OXNAD1: variants seen among roughly 807,000 people sequenced by gnomAD.
OXNAD1 encodes the protein oxidoreductase NAD-binding domain-containing protein 1.
OXNAD1 carries 34 observed loss-of-function variants against 32.9 expected under a neutral mutation model. That is an observed-to-expected ratio of 1.03 (90% CI 0.79 to 1.38). OXNAD1 has a LOEUF of 1.38. Ranked by LOEUF, OXNAD1 falls within the 40% of genes most tolerant of loss-of-function variation. The pLI, the probability that OXNAD1 is intolerant of heterozygous loss-of-function variation, is 0.00. For missense variants in OXNAD1, 407 were observed against 379.4 expected (o/e 1.07, Z -0.60); for synonymous variants, 134 against 135.2 (o/e 0.99, Z 0.06).
At position 16,299,653 on chromosome 3, in the gene OXNAD1, A is replaced by G. The variant is rs968903602; in HGVS notation, c.433-1973A>G. 1.3e-5 allele frequency among the ~76,000 whole-genome samples: 2 copies of G among 152,214 alleles called. No individual in the cohort carries two copies. Among genetic ancestry groups the G allele is most frequent in the African/African-American group, 4.8e-5 (2 of 41,460 alleles). On this transcript the variant is annotated intron_variant, in intron 6 of 8. Coordinates refer to ENST00000285083, the MANE Select transcript of OXNAD1 (RefSeq NM_138381.5). This position sits in a 1 kb window ranked among gnomAD's most constrained non-coding sequence, Gnocchi z 4.4. The stretch of plus-strand genomic sequence containing the variant: ...ATTAAATTCATGTCCAGAAGTACCT[A>G]CTGCTCACCTGACATGCAAGGTGCC...
rs138869813 is a variant in OXNAD1 at position 16,273,857 on chromosome 3, AT to A, written c.183+2138del. 3.8e-4 allele frequency among the ~76,000 whole-genome samples: 58 copies of A among 152,300 alleles called. 2 individuals are homozygous for A. The highest frequency in any genetic ancestry group is 3.4e-3 in the Middle Eastern group (1 of 294). On this transcript the variant is annotated intron_variant, in intron 4 of 8. Transcript: ENST00000285083. ...CCACAAAGTCTTTTACATTTTTCAA[AT>A]TTGTGTGGATATAAACAGTATTTTT...
Position 16,331,660 on chromosome 3 carries a change from C to T in OXNAD1, c.*31-5452C>T, listed in dbSNP as rs144357069. On this transcript the variant is annotated intron_variant, in intron 9 of 9. Transcript: ENST00000435829. Reference sequence around the variant, plus strand: ...TCCTAAATACATTAGTTCCATTTTTCCCCACTGGAGACATCATTTCTGAAA... The same window carrying T: ...TCCTAAATACATTAGTTCCATTTTTTCCCACTGGAGACATCATTTCTGAAA... Among the ~76,000 whole-genome samples the T allele has an allele frequency of 8.9e-3, 1,350 of 152,290 alleles. 13 individuals carry two copies. Among genetic ancestry groups the T allele is most frequent in the Middle Eastern group, 0.024 (7 of 294 alleles).
At chr3:16,278,699 ACT>A (rs1279585588) in intron 4 of OXNAD1, among the ~76,000 whole-genome samples, 9 of 152,160 alleles carry the variant, frequency 5.9e-5, no homozygotes, top group African/African-American at 1.4e-4. Flanking sequence ...AGAATATGAC[ACT>A]CTGTTTAGAC....
chr3:16,338,307 C>A (rs1381066755), downstream of OXNAD1, among the ~76,000 whole-genome samples: 1 of 152,236 alleles, frequency 6.6e-6, no homozygotes, highest in Non-Finnish European at 1.5e-5. This position sits in a 1 kb window ranked among gnomAD's most constrained non-coding sequence, Gnocchi z 5.3. Context: ...GGCTCCTGAT[C>A]ACAGGGAAGG....
At chr3:16,275,307 T>G (rs940884427) in intron 4 of OXNAD1, 1 of 152,968 alleles carries the variant, frequency 6.5e-6, no homozygotes, top group African/African-American at 2.4e-5. Flanking sequence ...CAGTGGCTCG[T>G]GTCTGTAATC....
chr3:16,276,858 A>C (rs1230408216), intron 4 of OXNAD1, among the ~76,000 whole-genome samples: 2 of 151,676 alleles, frequency 1.3e-5, no homozygotes, highest in Non-Finnish European at 2.9e-5. Context: ...AAATCCAATC[A>C]TGGTACTACC....
At position 16,327,989 on chromosome 3, in the gene OXNAD1, C is replaced by T. The variant is rs887126249; in HGVS notation, c.*31-9123C>T. 3.9e-5 allele frequency among the ~76,000 whole-genome samples: 6 copies of T among 152,164 alleles called. No homozygotes were observed. The highest frequency in any genetic ancestry group is 8.8e-5 in the Non-Finnish European group (6 of 68,036). ...AGTTTGGCTTCTTGTAGTTGGCTTC[C>T]GAAAATCTCAAACATGTATCCAGAT... On this transcript the variant is annotated intron_variant, in intron 9 of 9. Coordinates refer to the OXNAD1 transcript ENST00000435829. The surrounding 1 kb of genome is among the most constrained non-coding windows in gnomAD (Gnocchi z 4.2).
downstream of OXNAD1, among the ~76,000 whole-genome samples, chr3:16,310,945 G>T (rs1436686404): frequency 3.5e-5 from 5 of 142,914 alleles, 1 homozygote; most frequent in Non-Finnish European, 7.5e-5. Flanking sequence ...AGCCGAAATT[G>T]TGCCATTGCA....
Position 16,345,784 on chromosome 3 carries a change from ATCTC to A in OXNAD1, c.*31-3390_*31-3387del, listed in dbSNP as rs200513735. Among the ~76,000 whole-genome samples the A allele has an allele frequency of 9.3e-6, 1 of 107,840 alleles. No homozygotes were observed. The highest frequency in any genetic ancestry group is 3.7e-5 in the African/African-American group (1 of 26,984). 70.7% of individuals were successfully genotyped at this position (107,840 alleles called of 152,430 possible). ...CACATGAGCCAAAACCTTATAATAA[ATCTC>A]TGTGTGTGTGTGTGTGTGTGTGTGT... On this transcript the variant is annotated intron_variant, in intron 9 of 9. Transcript: ENST00000606098. This position sits in a 1 kb window ranked among gnomAD's most constrained non-coding sequence, Gnocchi z 5.2.
intron 1 of OXNAD1, among the ~76,000 whole-genome samples, chr3:16,267,317 T>G (rs939258874): frequency 6.6e-6 from 1 of 152,210 alleles, no homozygotes; most frequent in Non-Finnish European, 1.5e-5. Context: ...CACAGCAACT[T>G]GAGCAGTCCT....
chr3:16,345,855 T>TGC lies in OXNAD1; in HGVS notation c.*31-3321_*31-3320insGC, dbSNP rs1559843974. On this transcript the variant is annotated intron_variant, in intron 9 of 9. Transcript: ENST00000606098. The surrounding 1 kb of genome is among the most constrained non-coding windows in gnomAD (Gnocchi z 5.2). Reference sequence around the variant, plus strand: ...GCGCGCACGCGCACATGTGCATGTGTATGTGTATAATCTCCTACTGGTTCT... The same window carrying TGC: ...GCGCGCACGCGCACATGTGCATGTGTGCATGTGTATAATCTCCTACTGGTTCT... Among the ~76,000 whole-genome samples, 11,719 of 61,308 alleles carry TGC rather than the reference T, an allele frequency of 0.19. 622 individuals carry two copies. Among genetic ancestry groups the TGC allele is most frequent in the Middle Eastern group, 0.3 (36 of 120 alleles). 40.2% of individuals were successfully genotyped at this position (61,308 alleles called of 152,430 possible). A position where few individuals can be genotyped will look rare whatever the true frequency, so the allele number is the denominator to read the frequency against.
chr3:16,302,585 C>A lies in OXNAD1; in HGVS notation c.676-55C>A. The A allele has an allele frequency of 5.8e-6, 7 of 1,210,216 alleles. No homozygotes were observed. Among genetic ancestry groups the A allele is most frequent in the Non-Finnish European group, 1.2e-6 (1 of 832,946 alleles). 75.0% of individuals were successfully genotyped at this position (1,210,216 alleles called of 1,614,324 possible). A position where few individuals can be genotyped will look rare whatever the true frequency, so the allele number is the denominator to read the frequency against. On this transcript the variant is annotated intron_variant, in intron 7 of 8. Coordinates refer to ENST00000285083, the MANE Select transcript of OXNAD1 (RefSeq NM_138381.5). This position sits in a 1 kb window ranked among gnomAD's most constrained non-coding sequence, Gnocchi z 4.2. Reference sequence around the variant, plus strand: ...GAGGTTCAGCGTCAATGGTTGTGCACATCTGTTTTGATTTTTTAAAATTGT... The same window carrying A: ...GAGGTTCAGCGTCAATGGTTGTGCAAATCTGTTTTGATTTTTTAAAATTGT...
rs2066673095 is a variant in OXNAD1, at chr3:16,294,960, A to T, written c.395A>T (p.Tyr132Phe). ...QERVIELAVK[Y>F]TNHPPALWVH... ...AGAGTGATAGAATTGGCAGTGAAAT[A>T]TACGAACCACCCTCCTGCCCTCTGG... is the stretch of plus-strand genomic sequence containing the variant. Residue 132 changes from tyrosine (Y) to phenylalanine (F), a missense_variant, in exon 6 of 9, where the codon TAT (tyrosine) becomes TTT (phenylalanine). Transcript: ENST00000285083. 2 of 1,613,516 alleles carry T rather than the reference A, an allele frequency of 1.2e-6. No individual in the cohort carries two copies. The highest frequency in any genetic ancestry group is 2.7e-5 in the African/African-American group (2 of 74,970).
rs75936201 is a variant in OXNAD1 at position 16,320,473 on chromosome 3, A to T, written c.*31-16639A>T. The stretch of plus-strand genomic sequence containing the variant: ...TTCGACAAGTATCTGTTGAGCACCA[A>T]CTAAAATCTGGGTACACAACACAGG... On this transcript the variant is annotated intron_variant, in intron 9 of 9. Transcript: ENST00000435829. This position sits in a 1 kb window ranked among gnomAD's most constrained non-coding sequence, Gnocchi z 4.5. Among the ~76,000 whole-genome samples, 441 of 152,342 alleles carry T rather than the reference A, an allele frequency of 2.9e-3. 4 individuals are homozygous for T. Among genetic ancestry groups the T allele is most frequent in the African/African-American group, 0.01 (432 of 41,578 alleles).
intron 6 of OXNAD1, among the ~76,000 whole-genome samples, chr3:16,300,916 C>T (rs186351575): frequency 6.6e-6 from 1 of 152,316 alleles, no homozygotes; most frequent in African/African-American, 2.4e-5. Flanking sequence ...CAAACACCTT[C>T]ATCAGAAGCA....
At chr3:16,315,963 C>T (rs2068345845) in intron 9 of OXNAD1, 3 of 152,384 alleles carry the variant, frequency 2.0e-5, no homozygotes, top group Middle Eastern at 3.4e-3. Flanking sequence ...CCAGTTGCAT[C>T]TACCTAAAGC....
chr3:16,294,806 A>C, intron 5 of OXNAD1, 50 bp from the exon 6 acceptor site: 1 of 1,555,058 alleles, frequency 6.4e-7, no homozygotes, highest in East Asian at 2.3e-5. Context: ...TTAATTTACC[A>C]ATTTTTAAAA....
Position 16,345,728 on chromosome 3 carries a change from G to T in OXNAD1, c.*31-3448G>T, listed in dbSNP as rs2071611381. On this transcript the variant is annotated intron_variant, in intron 9 of 9. Transcript: ENST00000606098. The surrounding 1 kb of genome is among the most constrained non-coding windows in gnomAD (Gnocchi z 5.2). The stretch of plus-strand genomic sequence containing the variant: ...TTCCTGGGTCTCCAGCTTGCAGATA[G>T]CAGACTGTGGGACTCCTCAGCCTCC... Among the ~76,000 whole-genome samples the T allele has an allele frequency of 6.6e-6, 1 of 151,852 alleles. No individual in the cohort carries two copies. The highest frequency in any genetic ancestry group is 6.5e-5 in the Admixed American group (1 of 15,270).
Position 16,284,973 on chromosome 3 carries a change from G to A in OXNAD1, c.184-1369G>A, listed in dbSNP as rs568389431. 1.3e-5 allele frequency among the ~76,000 whole-genome samples: 2 copies of A among 152,324 alleles called. No homozygotes were observed. Among genetic ancestry groups the A allele is most frequent in the East Asian group, 3.9e-4 (2 of 5,194 alleles). ...GAGGAAAATTGAACATGAAGGAAAGGGCTGGTGGTTGCTGATGGAGCAGTG... is the reference window on the plus strand; with the variant it reads ...GAGGAAAATTGAACATGAAGGAAAGAGCTGGTGGTTGCTGATGGAGCAGTG... On this transcript the variant is annotated intron_variant, in intron 4 of 8. Coordinates refer to ENST00000285083, the MANE Select transcript of OXNAD1 (RefSeq NM_138381.5). The surrounding 1 kb of genome is among the most constrained non-coding windows in gnomAD (Gnocchi z 4.1).
Sources: gnomAD v4.1 joint callset for allele counts (sites outside exome capture counted in the v4.1 genomes callset) on GRCh38, gnomAD v4.1.1 for gene constraint, Gnocchi (gnomAD v3.1) non-coding constraint, MANE v1.5 for transcripts, NCBI Gene and HGNC (gene_info 2026-07-23, HGNC 2026-07-21) for gene names.